GZMK: variants seen among roughly 807,000 people sequenced by gnomAD.
GZMK encodes the protein granzyme K, also known as NK-Tryp-2.
A neutral mutation model predicts 22.8 loss-of-function variants in GZMK; 18 were observed. That is an observed-to-expected ratio of 0.79 (90% CI 0.54 to 1.17). GZMK has a LOEUF of 1.17. GZMK is among the 50% of genes most tolerant of loss of function. GZMK has a pLI of 0.00. For missense variants in GZMK, 342 were observed against 320.2 expected (o/e 1.07, Z -0.52); for synonymous variants, 136 against 115.0 (o/e 1.18, Z -1.17).
intron 2 of GZMK, chr5:55,028,350 A>C (rs922296477): frequency 1.3e-5 from 2 of 152,208 alleles, no homozygotes; most frequent in African/African-American, 4.8e-5. Context: ...TTTGAATTCA[A>C]ATCAATCCTA....
intron 2 of GZMK, chr5:55,025,655 A>G (rs955455525): frequency 6.6e-6 from 1 of 152,076 alleles, no homozygotes; most frequent in Admixed American, 6.6e-5. Context: ...GTTTGTATAT[A>G]TGTTTCCTTA....
intron 4 of GZMK, among the ~76,000 whole-genome samples, chr5:55,033,159 T>C (rs894251116): frequency 5.9e-5 from 9 of 152,214 alleles, no homozygotes; most frequent in African/African-American, 1.9e-4. Context: ...GCTGTTAGAG[T>C]GTCTTCAAAA....
At chr5:55,033,067 G>A (rs1347722765) in intron 4 of GZMK, among the ~76,000 whole-genome samples, 3 of 151,862 alleles carry the variant, frequency 2.0e-5, no homozygotes, top group African/African-American at 7.3e-5. Context: ...TTCAAATGTA[G>A]AAGCCAGCTC....
At position 55,034,148 on chromosome 5, in the gene GZMK, T is replaced by C; in HGVS notation, c.*222T>C. The C allele has an allele frequency of 2.1e-6, 1 of 478,020 alleles. No individual in the cohort carries two copies. The highest frequency in any genetic ancestry group is 3.7e-6 in the Non-Finnish European group (1 of 272,414). The allele number at this position is 478,020 out of a possible 1,614,324, so 29.6% of individuals were successfully genotyped here. ...TAGAAGACTCTCTGTTTGTCTTTTA[T>C]CACATGAAGTAATATCTGCCCCCAT... On this transcript the variant is annotated 3_prime_UTR_variant, in exon 5 of 5. Coordinates refer to ENST00000231009, the MANE Select transcript of GZMK (RefSeq NM_002104.3).
intron 2 of GZMK, 133 bp downstream of exon 2, chr5:55,024,940 T>C: frequency 1.8e-6 from 1 of 542,354 alleles, no homozygotes; most frequent in Non-Finnish European, 3.1e-6. Context: ...TGGTGGCGTT[T>C]ATTTACCTTC....
chr5:55,031,654 C>G (rs1373439458), intron 4 of GZMK, 21 bp downstream of exon 4: 2 of 1,604,632 alleles, frequency 1.2e-6, no homozygotes, highest in Admixed American at 3.3e-5. Context: ...CTCTTTCAAA[C>G]AGGCATCTTG....
At position 55,031,410 on chromosome 5, in the gene GZMK, T is replaced by C. The variant is rs748116368; in HGVS notation, c.410T>C (p.Ile137Thr). Residue 137 changes from isoleucine (I) to threonine (T), a missense_variant, in exon 4 of 5, where the codon ATA (isoleucine) becomes ACA (threonine). Physicochemically the swap from Ile to Thr is moderately conservative, Grantham distance 89 (BLOSUM62 -1). Transcript: ENST00000231009. ...KLNKHVKMLH[I>T]RSKTSLRSGT... is the part of the protein sequence containing the mutation. ...AATAAACATGTCAAGATGCTCCACA[T>C]AAGATCCAAAACCTCTCTTAGATCT... is the stretch of plus-strand genomic sequence containing the variant. The C allele has an allele frequency of 2.7e-5, 43 of 1,613,392 alleles. No homozygotes were observed. Among genetic ancestry groups the C allele is most frequent in the Non-Finnish European group, 3.4e-5 (40 of 1,179,408 alleles).
At chr5:55,033,072 C>T (rs1561259324) in intron 4 of GZMK, among the ~76,000 whole-genome samples, 1 of 151,830 alleles carries the variant, frequency 6.6e-6, no homozygotes, top group Non-Finnish European at 1.5e-5. Flanking sequence ...ATGTAGAAGC[C>T]AGCTCTTCAT....
chr5:55,024,349 GT>G lies in GZMK; in HGVS notation c.32del (p.Phe11SerfsTer2). ...TGACTAAGTTTTCTTCCTTTTCTCT[GT>G]TTTTCCTAATAGTTGGGGCTTATAT... is the stretch of plus-strand genomic sequence containing the variant. MTKFSSFSL[F>X]FLIVGAYMTH... On this transcript the variant is annotated frameshift_variant, in exon 1 of 5. Transcript: ENST00000231009. LOFTEE classifies it high-confidence loss of function. 1 of 1,490,758 alleles carries G rather than the reference GT, an allele frequency of 6.7e-7. No individual in the cohort carries two copies. Among genetic ancestry groups the G allele is most frequent in the Non-Finnish European group, 9.3e-7 (1 of 1,069,608 alleles). 92.3% of individuals were successfully genotyped at this position (1,490,758 alleles called of 1,614,324 possible).
At position 55,029,581 on chromosome 5, in the gene GZMK, A is replaced by C. The variant is rs1217115342; in HGVS notation, c.213-853A>C. Among the ~76,000 whole-genome samples, 4 of 141,732 alleles carry C rather than the reference A, an allele frequency of 2.8e-5. No homozygotes were observed. In the East Asian group the frequency reaches 7.8e-4, roughly 28 times the overall value. The allele number at this position is 141,732 out of a possible 152,430, so 93.0% of individuals were successfully genotyped here. ...TTGTTTGTTTGTTTGTTTGTTTTTA[A>C]GAGATGGGGCCTTGTTCTGTCACCC... is the stretch of plus-strand genomic sequence containing the variant. On this transcript the variant is annotated intron_variant, in intron 2 of 4. Coordinates refer to ENST00000231009, the MANE Select transcript of GZMK (RefSeq NM_002104.3).
chr5:55,026,515 C>T (rs757262268), intron 2 of GZMK, among the ~76,000 whole-genome samples: 4 of 151,848 alleles, frequency 2.6e-5, no homozygotes, highest in Non-Finnish European at 5.9e-5. Flanking sequence ...CTCTACAGGA[C>T]ACTTGGGTGT....
chr5:55,033,381 A>G (rs979839186), intron 4 of GZMK, among the ~76,000 whole-genome samples: 1 of 152,266 alleles, frequency 6.6e-6, no homozygotes, highest in African/African-American at 2.4e-5. Context: ...CAATTTTAAA[A>G]GATTATTTTA....
At position 55,033,771 on chromosome 5, in the gene GZMK, T is replaced by G; in HGVS notation, c.640T>G (p.Ser214Ala). 2 of 1,597,240 alleles carry G rather than the reference T, an allele frequency of 1.3e-6. No individual in the cohort carries two copies. Among genetic ancestry groups the G allele is most frequent in the Non-Finnish European group, 1.7e-6 (2 of 1,175,530 alleles). The change falls in exon 5 of 5, where the codon TCA becomes GCA. Residue 214 changes from serine to alanine, a missense_variant. Ser to Ala is a moderately conservative substitution (Grantham distance 99). Transcript: ENST00000231009. The part of the protein sequence containing the change: ...KGQKDSCKGD[S>A]GGPLICKGVF... ...CCCTTTTTCTTCCTTCCAGGGTGACTCAGGGGGCCCCTTGATCTGTAAAGG... is the reference window on the plus strand; with the variant it reads ...CCCTTTTTCTTCCTTCCAGGGTGACGCAGGGGGCCCCTTGATCTGTAAAGG...
At chr5:55,033,265 A>G (rs1741262298) in intron 4 of GZMK, among the ~76,000 whole-genome samples, 1 of 152,260 alleles carries the variant, frequency 6.6e-6, no homozygotes, top group South Asian at 2.1e-4. Context: ...AATAACAGAG[A>G]ACATATAATT....
Position 55,034,221 on chromosome 5 carries a change from A to ACCAT in GZMK, c.*295_*296insCCAT. 3.4e-6 allele frequency: 1 copy of ACCAT among 297,008 alleles called. No homozygotes were observed. The highest frequency in any genetic ancestry group is 6.3e-6 in the Non-Finnish European group (1 of 159,566). The allele number at this position is 297,008 out of a possible 1,614,324, so 18.4% of individuals were successfully genotyped here. A position where few individuals can be genotyped will look rare whatever the true frequency, so the allele number is the denominator to read the frequency against. On this transcript the variant is annotated 3_prime_UTR_variant, in exon 5 of 5. Coordinates refer to ENST00000231009, the MANE Select transcript of GZMK (RefSeq NM_002104.3). Reference sequence around the variant, plus strand: ...CAATAAGGTCACTGAATAAAACAGTAATGGTACCACCTTCAACTAGGTGTA... The same window carrying ACCAT: ...CAATAAGGTCACTGAATAAAACAGTACCATATGGTACCACCTTCAACTAGGTGTA...
chr5:55,031,300 C>A, intron 3 of GZMK, 64 bp from the exon 4 acceptor site: 2 of 1,396,580 alleles, frequency 1.4e-6, no homozygotes, highest in East Asian at 2.3e-5. Flanking sequence ...ACACATACGA[C>A]GCACAGGCTA....
chr5:55,025,361 C>T (rs943304592), intron 2 of GZMK, among the ~76,000 whole-genome samples: 9 of 152,154 alleles, frequency 5.9e-5, no homozygotes, highest in Non-Finnish European at 8.8e-5. Flanking sequence ...TAGCTACTCA[C>T]CACTTACAAC....
At chr5:55,030,803 C>G (rs1393028800) in intron 3 of GZMK, among the ~76,000 whole-genome samples, 1 of 152,180 alleles carries the variant, frequency 6.6e-6, no homozygotes, top group African/African-American at 2.4e-5. Context: ...CAAGGAAAAG[C>G]AACTCTGATA....
intron 2 of GZMK, 99 bp from the exon 3 acceptor site, chr5:55,030,335 C>A: frequency 9.4e-7 from 1 of 1,064,074 alleles, no homozygotes; most frequent in Non-Finnish European, 1.4e-6. Flanking sequence ...TGGAGATAGC[C>A]CTTGTTTCTC....
Sources: gnomAD v4.1 joint callset for allele counts (sites outside exome capture counted in the v4.1 genomes callset) on GRCh38, gnomAD v4.1.1 for gene constraint, MANE v1.5 for transcripts, NCBI Gene and HGNC (gene_info 2026-07-23, HGNC 2026-07-21) for gene names.